The following ST3GAL3 variants were observed in gnomAD, a reference collection of about 807,000 sequenced individuals.
ST3GAL3 encodes the protein ST3 beta-galactoside alpha-2,3-sialyltransferase 3.
In ST3GAL3, 21 loss-of-function variants were observed where a neutral mutation model predicts 50.1. The ratio of observed to expected loss-of-function variants is 0.42; its 90% CI spans 0.30 to 0.60. The LOEUF (loss-of-function observed/expected upper bound fraction) is 0.60, where lower values mean the gene tolerates loss of function less well. Among genes scored for constraint, ST3GAL3 ranks in the 20% least tolerant of loss-of-function variants. The pLI, the probability that ST3GAL3 is intolerant of heterozygous loss-of-function variation, is 0.19. For synonymous variants in ST3GAL3, 183 were observed against 190.0 expected (o/e 0.96, Z 0.30); for missense variants, 353 against 489.4 (o/e 0.72, Z 2.63).
chr1:43,797,945 G>A (rs12116642), intron 3 of ST3GAL3, among the ~76,000 whole-genome samples: 55,709 of 152,048 alleles, frequency 0.37, 10,944 homozygotes, highest in East Asian at 0.59. Flanking sequence ...CTAGCAATGA[G>A]CAGTTGAAAA....
chr1:43,809,244 A>G (rs1224812736), intron 3 of ST3GAL3, among the ~76,000 whole-genome samples: 1 of 152,192 alleles, frequency 6.6e-6, no homozygotes, highest in Non-Finnish European at 1.5e-5. Context: ...GGAAAGCATG[A>G]GAATATTAAG....
At chr1:43,817,360 TTCCTTCTTC>T (rs1306021116) in intron 4 of ST3GAL3, among the ~76,000 whole-genome samples, 30 of 136,982 alleles carry the variant, frequency 2.2e-4, no homozygotes, top group African/African-American at 5.9e-4. Flanking sequence ...CTTCTTCTTC[TTCCTTCTTC>T]TCCTTCTTCT....
At chr1:43,732,698 T>C (rs1676467328) in intron 1 of ST3GAL3, among the ~76,000 whole-genome samples, 1 of 152,230 alleles carries the variant, frequency 6.6e-6, no homozygotes, top group Non-Finnish European at 1.5e-5. Context: ...GGGTCCCTAT[T>C]ATTGGGCATT....
intron 9 of ST3GAL3, among the ~76,000 whole-genome samples, chr1:43,917,484 T>TATATAATATATATAATATATTATATA (rs2082056950): frequency 1.4e-5 from 1 of 72,318 alleles, no homozygotes; most frequent in African/African-American, 5.2e-5. Context: ...ATATATATAA[T>TATATAATATATATAATATATTATATA]ATATAATATA....
At chr1:43,713,008 G>C (rs1665550463) in intron 1 of ST3GAL3, among the ~76,000 whole-genome samples, 1 of 152,258 alleles carries the variant, frequency 6.6e-6, no homozygotes, top group Non-Finnish European at 1.5e-5. Context: ...TCACTGTGTG[G>C]AAGAGGCAGA....
At chr1:43,866,042 C>G (rs114596261) in intron 5 of ST3GAL3, among the ~76,000 whole-genome samples, 8 of 152,138 alleles carry the variant, frequency 5.3e-5, no homozygotes, top group African/African-American at 9.7e-5. Context: ...TTCCAGGGCT[C>G]CTGACCTCCT....
chr1:43,929,873 G>A (rs528381992), intron 11 of ST3GAL3: 2 of 541,902 alleles, frequency 3.7e-6, no homozygotes, highest in East Asian at 7.4e-5. Flanking sequence ...AGGTTGGGAA[G>A]CTTAACGGTT....
At chr1:43,770,855 T>C (rs1007256844) in intron 2 of ST3GAL3, among the ~76,000 whole-genome samples, 7 of 152,250 alleles carry the variant, frequency 4.6e-5, no homozygotes, top group African/African-American at 1.7e-4. Flanking sequence ...TTATGTCTGG[T>C]GAAGTTCAAT....
At chr1:43,758,335 C>T (rs1294365952) in intron 2 of ST3GAL3, among the ~76,000 whole-genome samples, 1 of 152,170 alleles carries the variant, frequency 6.6e-6, no homozygotes, top group Non-Finnish European at 1.5e-5. Context: ...ACTGCAACCT[C>T]AAAGTCCTGG....
At chr1:43,860,649 C>G (rs570706523) in intron 5 of ST3GAL3, among the ~76,000 whole-genome samples, 11 of 152,312 alleles carry the variant, frequency 7.2e-5, no homozygotes, top group Middle Eastern at 3.4e-3. Context: ...GCCATTTCTG[C>G]CATGCATCTG....
At chr1:43,877,114 G>A (rs1397845862) in intron 5 of ST3GAL3, among the ~76,000 whole-genome samples, 1 of 152,198 alleles carries the variant, frequency 6.6e-6, no homozygotes, top group Non-Finnish European at 1.5e-5. Flanking sequence ...CAGGTGTTCA[G>A]AGAGAGAGGA....
In ST3GAL3 at chr1:43,758,164, C is replaced by T. The variant is rs933737179; in HGVS notation, c.118+21784C>T. Among the ~76,000 whole-genome samples the T allele has an allele frequency of 2.4e-5, 3 of 126,636 alleles. No homozygotes were observed. In the South Asian group the frequency reaches 8.5e-4, roughly 36 times the overall value. 83.1% of individuals were successfully genotyped at this position (126,636 alleles called of 152,430 possible). A position where few individuals can be genotyped will look rare whatever the true frequency, so the allele number is the denominator to read the frequency against. Reference sequence around the variant, plus strand: ...CTATACTCCATTGGCTGCATACCACCCCCCCCCCCAAAAAAAAGGCAGTAT... The same window carrying T: ...CTATACTCCATTGGCTGCATACCACTCCCCCCCCCAAAAAAAAGGCAGTAT... On this transcript the variant is annotated intron_variant, in intron 2 of 11. Transcript: ENST00000347631.
chr1:43,817,135 G>T (rs2061336543), intron 4 of ST3GAL3, among the ~76,000 whole-genome samples: 1 of 152,140 alleles, frequency 6.6e-6, no homozygotes, highest in Non-Finnish European at 1.5e-5. Context: ...AGTATTACAT[G>T]ACCTTAGATA....
chr1:43,761,950 C>CAAAAAAA (rs67747915), intron 2 of ST3GAL3, among the ~76,000 whole-genome samples: 8 of 68,848 alleles, frequency 1.2e-4, no homozygotes, highest in African/African-American at 5.8e-4. Context: ...CACTCTGTCT[C>CAAAAAAA]AAAAAAAAAA....
chr1:43,839,851 G>C (rs2065060794), intron 5 of ST3GAL3: 1 of 152,144 alleles, frequency 6.6e-6, no homozygotes, highest in Admixed American at 6.5e-5. Flanking sequence ...GCAAGTGAGT[G>C]AAGGAGAGAG....
At chr1:43,759,540 G>A (rs985504159) in intron 2 of ST3GAL3, among the ~76,000 whole-genome samples, 2 of 152,222 alleles carry the variant, frequency 1.3e-5, no homozygotes, top group Non-Finnish European at 2.9e-5. Context: ...TAAGCAAGAA[G>A]AGCTGTGCTT....
chr1:43,876,448 A>G (rs941972307), intron 5 of ST3GAL3, among the ~76,000 whole-genome samples: 2 of 152,208 alleles, frequency 1.3e-5, no homozygotes, highest in Admixed American at 6.5e-5. Context: ...GAGCCAGTCA[A>G]GCATCGGGAT....
Position 43,795,162 on chromosome 1 carries a change from G to T in ST3GAL3, c.166+3013G>T, listed in dbSNP as rs193210697. 2.4e-3 allele frequency among the ~76,000 whole-genome samples: 373 copies of T among 152,284 alleles called. 1 individual carries two copies. Among genetic ancestry groups the T allele is most frequent in the African/African-American group, 8.6e-3 (359 of 41,552 alleles). On this transcript the variant is annotated intron_variant, in intron 3 of 11. Transcript: ENST00000347631. ...GCTAATAATGTTCAAGGGGATTTTG[G>T]TCCTCAGCCTCCATCTCCCTTGGAG...
intron 2 of ST3GAL3, 49 bp downstream of exon 2, chr1:43,736,429 A>C (rs1678475932): frequency 1.9e-6 from 3 of 1,613,956 alleles, no homozygotes; most frequent in Non-Finnish European, 1.7e-6. Flanking sequence ...GTTGCAGGTC[A>C]GTTACTGGTT....
Sources: allele counts gnomAD v4.1 joint callset (sites outside exome capture counted in the v4.1 genomes callset), GRCh38; gene constraint gnomAD v4.1.1; transcripts MANE v1.5; gene names NCBI Gene and HGNC (gene_info 2026-07-23, HGNC 2026-07-21).